Variants in UBN2 observed in about 807,000 individuals in gnomAD.
UBN2 encodes ubinuclein-2.
In UBN2, 35 loss-of-function variants were observed where a neutral mutation model predicts 120.2. The ratio of observed to expected loss-of-function variants is 0.29; its 90% confidence interval spans 0.22 to 0.39. The LOEUF (loss-of-function observed/expected upper bound fraction) is 0.39, where lower values mean the gene tolerates loss of function less well. UBN2 is among the 10% of genes least tolerant of loss of function. The probability of loss-of-function intolerance (pLI) is 1.00; values close to 1 mark genes in which losing one functional copy is unlikely to be tolerated. For missense variants in UBN2, 1,693 were observed against 1,663.2 expected (o/e 1.02, Z -0.31); for synonymous variants, 661 against 648.7 (o/e 1.02, Z -0.29).
In UBN2 at chr7:139,308,094, G is replaced by A. The variant is rs1010219284; in HGVS notation, c.*10258G>A. On this transcript the variant is annotated 3_prime_UTR_variant, in exon 18 of 18. Transcript: ENST00000473989. ...TTCCAGGTGTAGCTAGCAAACCCCT[G>A]TTTTTGAAGCAAGAGCCTTATTTGA... 2.0e-5 allele frequency: 3 copies of A among 150,496 alleles called. No individual in the cohort carries two copies. Among genetic ancestry groups the A allele is most frequent in the Non-Finnish European group, 4.4e-5 (3 of 67,794 alleles). 9.3% of individuals were successfully genotyped at this position (150,496 alleles called of 1,614,324 possible).
At chr7:139,319,164 C>T in the UBN2 span, among the ~76,000 whole-genome samples, 1 of 152,174 alleles carries the variant, frequency 6.6e-6, no homozygotes, top group Admixed American at 6.5e-5. Flanking sequence ...TCACTGAAAC[C>T]TCTTGCCTCC....
At chr7:139,233,700 A>G (rs1407347566) in intron 1 of UBN2, among the ~76,000 whole-genome samples, 1 of 152,198 alleles carries the variant, frequency 6.6e-6, no homozygotes, top group East Asian at 1.9e-4. Flanking sequence ...AAGTCGCAGT[A>G]GAAATACAAA....
intron 13 of UBN2, 38 bp from the exon 14 acceptor site, chr7:139,281,967 A>G: frequency 2.5e-6 from 4 of 1,594,856 alleles, no homozygotes; most frequent in Non-Finnish European, 3.4e-6. Flanking sequence ...GTTAGAGTGT[A>G]ACAGTATTCT....
chr7:139,243,519 A>G (rs369203768), intron 2 of UBN2, among the ~76,000 whole-genome samples: 1 of 152,212 alleles, frequency 6.6e-6, no homozygotes, highest in Non-Finnish European at 1.5e-5. Context: ...TTTAGGTTAA[A>G]TTTTAATATT....
chr7:139,262,581 G>A (rs1796970858), intron 6 of UBN2, among the ~76,000 whole-genome samples: 1 of 151,934 alleles, frequency 6.6e-6, no homozygotes, highest in African/African-American at 2.4e-5. Flanking sequence ...TGGGTGTGGT[G>A]GCGCGTGCCT....
Position 139,284,707 on chromosome 7 carries a change from G to T in UBN2, c.3669+133G>T, listed in dbSNP as rs1039640498. ...TGGCTTATTACAGCCTGCAGCCATG[G>T]AATGTTCCTGATGCTGACATCACAG... On this transcript the variant is annotated intron_variant, in intron 15 of 17. Transcript: ENST00000473989. The T allele has an allele frequency of 3.3e-5, 25 of 749,196 alleles. No individual in the cohort carries two copies. The South Asian group carries it at 4.8e-4, about 14-fold the overall frequency. 46.4% of individuals were successfully genotyped at this position (749,196 alleles called of 1,614,324 possible). A position where few individuals can be genotyped will look rare whatever the true frequency, so the allele number is the denominator to read the frequency against.
At chr7:139,249,035 T>TATGC (rs900539137) in intron 2 of UBN2, among the ~76,000 whole-genome samples, 1 of 152,076 alleles carries the variant, frequency 6.6e-6, no homozygotes, top group Non-Finnish European at 1.5e-5. Context: ...TGTGTGTGTG[T>TATGC]ATGCATGTAT....
chr7:139,327,805 A>C, the UBN2 span, among the ~76,000 whole-genome samples: 3 of 152,192 alleles, frequency 2.0e-5, no homozygotes. Context: ...TTACCACAAC[A>C]GTTATTGAAG....
chr7:139,259,141 A>G (rs1796852681), intron 4 of UBN2, 126 bp from the exon 5 acceptor site: 1 of 1,377,288 alleles, frequency 7.3e-7, no homozygotes, highest in Non-Finnish European at 9.7e-7. Context: ...AAGGATCTGC[A>G]GTTATAACAA....
chr7:139,235,551 C>T (rs561133529), intron 1 of UBN2, among the ~76,000 whole-genome samples: 62 of 152,228 alleles, frequency 4.1e-4, no homozygotes, highest in African/African-American at 1.4e-3. Context: ...GGACTACAGG[C>T]GTGTGCCACC....
At chr7:139,247,916 A>T (rs1411844778) in intron 2 of UBN2, among the ~76,000 whole-genome samples, 2 of 152,150 alleles carry the variant, frequency 1.3e-5, no homozygotes, top group Non-Finnish European at 2.9e-5. Flanking sequence ...GTCTCCTTTC[A>T]ACCTTTTTCC....
At chr7:139,293,188 G>T (rs752894489) in intron 15 of UBN2, 44 bp from the exon 16 acceptor site, 2 of 1,482,494 alleles carry the variant, frequency 1.3e-6, no homozygotes, top group African/African-American at 2.8e-5. Context: ...ATCAATTTGG[G>T]TTGCTTTATT....
intron 8 of UBN2, among the ~76,000 whole-genome samples, chr7:139,271,583 C>T (rs1365516649): frequency 6.9e-6 from 1 of 145,290 alleles, no homozygotes; most frequent in African/African-American, 2.5e-5. Flanking sequence ...GACTCTGTCT[C>T]CAAAAAAAAA....
At chr7:139,252,105 G>C (rs371108584) in intron 3 of UBN2, 48 bp downstream of exon 3, 1 of 1,495,680 alleles carries the variant, frequency 6.7e-7, no homozygotes, top group South Asian at 1.1e-5. Context: ...GTTTGTATGG[G>C]ATAGTAGAAG....
chr7:139,325,711 T>C, the UBN2 span, among the ~76,000 whole-genome samples: 1 of 152,180 alleles, frequency 6.6e-6, no homozygotes, highest in Admixed American at 6.5e-5. Flanking sequence ...TGGTAGCACA[T>C]CCAGGTTGCC....
the UBN2 span, among the ~76,000 whole-genome samples, chr7:139,320,001 A>G: frequency 1.1e-4 from 17 of 151,696 alleles, no homozygotes; most frequent in South Asian, 4.2e-4. Flanking sequence ...GCGTGAACCC[A>G]GGAGGCAGAG....
rs375483521 is a variant in UBN2 at position 139,251,015 on chromosome 7, G to T, written c.562-941G>T. Reference sequence around the variant, plus strand: ...CCCACTTACGAGGCTGAGGCAGGAGGTTCACTTGAGCCCGGGAGGTTGAGG... The same window carrying T: ...CCCACTTACGAGGCTGAGGCAGGAGTTTCACTTGAGCCCGGGAGGTTGAGG... On this transcript the variant is annotated intron_variant, in intron 2 of 17. Coordinates refer to ENST00000473989, the MANE Select transcript of UBN2 (RefSeq NM_173569.4). 4.6e-5 allele frequency among the ~76,000 whole-genome samples: 7 copies of T among 152,120 alleles called. No individual in the cohort carries two copies. The East Asian group carries it at 1.2e-3, about 25-fold the overall frequency.
At chr7:139,246,834 G>A (rs1251941766) in intron 2 of UBN2, among the ~76,000 whole-genome samples, 2 of 152,060 alleles carry the variant, frequency 1.3e-5, no homozygotes, top group Non-Finnish European at 2.9e-5. Context: ...CTGCGTCTGG[G>A]TACTTTGACT....
intron 6 of UBN2, among the ~76,000 whole-genome samples, chr7:139,264,037 T>A (rs1797017305): frequency 6.6e-6 from 1 of 152,202 alleles, no homozygotes; most frequent in Non-Finnish European, 1.5e-5. Context: ...TATAACTTAA[T>A]TTGCAGTTTG....
Sources: allele counts gnomAD v4.1 joint callset (sites outside exome capture counted in the v4.1 genomes callset), GRCh38; gene constraint gnomAD v4.1.1; transcripts MANE v1.5; gene names NCBI Gene and HGNC (gene_info 2026-07-23, HGNC 2026-07-21).